The following DAPK1 variants were observed in gnomAD, a reference collection of about 807,000 sequenced individuals.
DAPK1 encodes death-associated protein kinase 1.
Under a neutral mutation model 144.9 loss-of-function variants are expected in DAPK1, and 56 were observed. The observed-to-expected ratio is 0.39, with a 90% CI of 0.31 to 0.48. DAPK1 has a LOEUF of 0.48. DAPK1 is among the 20% of genes least tolerant of loss of function. The pLI is 0.95. For synonymous variants in DAPK1, 690 were observed against 749.0 expected (o/e 0.92, Z 1.29); for missense variants, 1,454 against 1,875.4 (o/e 0.78, Z 4.15).
At chr9:87,671,342 A>G (rs142326700) in intron 19 of DAPK1, among the ~76,000 whole-genome samples, 101 of 152,250 alleles carry the variant, frequency 6.6e-4, no homozygotes, top group African/African-American at 2.4e-3. Context: ...GAAGTGAACT[A>G]TTACAGCTAT....
chr9:87,649,536 T>G (rs1386485981), intron 15 of DAPK1, among the ~76,000 whole-genome samples: 1 of 152,214 alleles, frequency 6.6e-6, no homozygotes, highest in Non-Finnish European at 1.5e-5. Context: ...TCAGATAAAG[T>G]CAGCGAGGCA....
intron 2 of DAPK1, among the ~76,000 whole-genome samples, chr9:87,509,349 G>T (rs1169219101): frequency 6.6e-6 from 1 of 152,060 alleles, no homozygotes; most frequent in Non-Finnish European, 1.5e-5. Context: ...TGAAAGCACA[G>T]CCTGCCAGCA....
intron 18 of DAPK1, among the ~76,000 whole-genome samples, chr9:87,664,408 CAGAG>C (rs1830978472): frequency 2.6e-5 from 4 of 152,206 alleles, no homozygotes; most frequent in Admixed American, 2.6e-4. Context: ...GCTCTGCCTT[CAGAG>C]AGAGACTTGG....
intron 2 of DAPK1, among the ~76,000 whole-genome samples, chr9:87,556,380 A>C (rs1287999416): frequency 6.6e-6 from 1 of 152,226 alleles, no homozygotes. Context: ...GAGGGTGCCC[A>C]CGTGTGTGTA....
chr9:87,688,152 C>T (rs1167319945), intron 21 of DAPK1, among the ~76,000 whole-genome samples: 1 of 146,562 alleles, frequency 6.8e-6, no homozygotes, highest in Non-Finnish European at 1.5e-5. Context: ...CCATGAGTAC[C>T]GAATGTTTAG....
intron 16 of DAPK1, among the ~76,000 whole-genome samples, chr9:87,651,251 A>G (rs1177169049): frequency 6.6e-6 from 1 of 152,220 alleles, no homozygotes; most frequent in Non-Finnish European, 1.5e-5. Flanking sequence ...ACAATTACTT[A>G]TGTTCTATCT....
chr9:87,681,565 C>T lies in DAPK1; in HGVS notation c.2163C>T (p.Pro721=), dbSNP rs1466809356. The T allele has an allele frequency of 6.2e-7, 1 of 1,612,924 alleles. No homozygotes were observed. Among genetic ancestry groups the T allele is most frequent in the Non-Finnish European group, 8.5e-7 (1 of 1,178,900 alleles). Residue 721 remains proline (P), a synonymous_variant, in exon 20 of 26, where the codon CCC becomes CCT. Coordinates refer to ENST00000408954, the MANE Select transcript of DAPK1 (RefSeq NM_004938.4). ...GGAGCTTTTTCAGAAGGCGTCGGCC[C>T]AGACTGTCTTCCACCAACTCCAGCA... ...LLRSFFRRRR[P]RLSSTNSSRF...
chr9:87,661,498 C>T (rs1341889349), intron 18 of DAPK1, among the ~76,000 whole-genome samples: 1 of 152,126 alleles, frequency 6.6e-6, no homozygotes, highest in Non-Finnish European at 1.5e-5. Flanking sequence ...TATTTTTTGA[C>T]TTTTTAATAA....
At chr9:87,530,490 C>G (rs777499940) in intron 2 of DAPK1, among the ~76,000 whole-genome samples, 1 of 152,176 alleles carries the variant, frequency 6.6e-6, no homozygotes, top group Non-Finnish European at 1.5e-5. Flanking sequence ...CTTTCCTTAA[C>G]CCGTTTTGAA....
chr9:87,515,227 C>A (rs1825004907), intron 2 of DAPK1, among the ~76,000 whole-genome samples: 1 of 152,116 alleles, frequency 6.6e-6, no homozygotes, highest in South Asian at 2.1e-4. Flanking sequence ...GTTTCTGTTG[C>A]AACAACTCAA....
intron 25 of DAPK1, among the ~76,000 whole-genome samples, chr9:87,705,228 A>T (rs1035603030): frequency 2.1e-5 from 3 of 146,144 alleles, no homozygotes; most frequent in Non-Finnish European, 3.0e-5. Flanking sequence ...TATTTTTTTA[A>T]TTAATTAATT....
intron 2 of DAPK1, among the ~76,000 whole-genome samples, chr9:87,526,705 G>T (rs764456768): frequency 2.6e-5 from 4 of 152,136 alleles, no homozygotes; most frequent in Non-Finnish European, 4.4e-5. Context: ...AAGTCATCCT[G>T]TATAATTGTG....
At chr9:87,569,748 A>C (rs1389027789) in intron 2 of DAPK1, among the ~76,000 whole-genome samples, 1 of 152,158 alleles carries the variant, frequency 6.6e-6, no homozygotes, top group Non-Finnish European at 1.5e-5. Context: ...CAGTCCATTA[A>C]TCTTGTGTTA....
At chr9:87,663,628 A>G (rs755451922) in intron 18 of DAPK1, among the ~76,000 whole-genome samples, 7 of 151,976 alleles carry the variant, frequency 4.6e-5, no homozygotes, top group African/African-American at 7.3e-5. Context: ...CTGCTGGTCC[A>G]TCTTCTCCCT....
intron 14 of DAPK1, 117 bp from the exon 15 acceptor site, chr9:87,648,664 G>T (rs1830343613): frequency 1.1e-6 from 1 of 889,176 alleles, no homozygotes; most frequent in Admixed American, 2.0e-5. Context: ...AGGTGGGTGG[G>T]TGGAACCAAA....
intron 2 of DAPK1, among the ~76,000 whole-genome samples, chr9:87,574,107 A>C (rs1827460643): frequency 6.6e-6 from 1 of 152,180 alleles, no homozygotes; most frequent in South Asian, 2.1e-4. Context: ...TCCACCCAGC[A>C]AGAAGAAAGA....
chr9:87,555,920 A>G (rs942144021), intron 2 of DAPK1, among the ~76,000 whole-genome samples: 1 of 152,256 alleles, frequency 6.6e-6, no homozygotes, highest in African/African-American at 2.4e-5. Context: ...AAACAATTGC[A>G]TGGGAAAATT....
At chr9:87,636,283 A>G (rs1564035068) in intron 3 of DAPK1, among the ~76,000 whole-genome samples, 1 of 152,040 alleles carries the variant, frequency 6.6e-6, no homozygotes. Flanking sequence ...TGTCCCCTGG[A>G]GGATAGGGGA....
intron 2 of DAPK1, among the ~76,000 whole-genome samples, chr9:87,503,876 T>C (rs1289751619): frequency 1.3e-5 from 2 of 152,204 alleles, no homozygotes; most frequent in Non-Finnish European, 2.9e-5. Flanking sequence ...TATTTTACAT[T>C]GGTTTGGATG....
Sources: gnomAD v4.1 joint callset for allele counts (sites outside exome capture counted in the v4.1 genomes callset) on GRCh38, gnomAD v4.1.1 for gene constraint, MANE v1.5 for transcripts, NCBI Gene and HGNC (gene_info 2026-07-23, HGNC 2026-07-21) for gene names.